Variants in OSBPL3 observed in about 807,000 individuals in gnomAD.
OSBPL3 encodes oxysterol binding protein like 3, also known as oxysterol-binding protein-related protein 3.
OSBPL3 carries 65 observed loss-of-function variants against 120.1 expected under a neutral mutation model. The observed-to-expected ratio is 0.54, with a 90% confidence interval of 0.44 to 0.67. The LOEUF (loss-of-function observed/expected upper bound fraction) is 0.67. Among genes scored for constraint, OSBPL3 ranks in the 30% least tolerant of loss-of-function variants. The pLI, the probability that OSBPL3 is intolerant of heterozygous loss-of-function variation, is 0.00. For missense variants in OSBPL3, 1,004 were observed against 1,082.1 expected (o/e 0.93, Z 1.01); for synonymous variants, 416 against 402.6 (o/e 1.03, Z -0.40).
At position 24,939,308 on chromosome 7, in the gene OSBPL3, A is replaced by T. The variant is rs1812810288; in HGVS notation, c.-150+40578T>A. ...ATTCTCCTGTGCTTCTTTGTGGCTGACAAGAATTCCAATTTTGTTCAGCTA... is the reference window on the plus strand; with the variant it reads ...ATTCTCCTGTGCTTCTTTGTGGCTGTCAAGAATTCCAATTTTGTTCAGCTA... On this transcript the variant is annotated intron_variant, in intron 1 of 22. Coordinates refer to ENST00000313367, the MANE Select transcript of OSBPL3 (RefSeq NM_015550.4). This position sits in a 1 kb window ranked among gnomAD's most constrained non-coding sequence, Gnocchi z 4.2. Among the ~76,000 whole-genome samples the T allele has an allele frequency of 6.6e-6, 1 of 152,234 alleles. No homozygotes were observed. Among genetic ancestry groups the T allele is most frequent in the Non-Finnish European group, 1.5e-5 (1 of 68,036 alleles).
At chr7:24,974,618 T>TAAATAAAAC (rs1437828346) in intron 1 of OSBPL3, among the ~76,000 whole-genome samples, 1 of 152,112 alleles carries the variant, frequency 6.6e-6, no homozygotes, top group East Asian at 1.9e-4. Context: ...AGCAAATAGA[T>TAAATAAAAC]AAATAAAACC....
rs1312672964 is a variant in OSBPL3 at position 24,866,246 on chromosome 7, T to C, written c.382-9A>G. On this transcript the variant is annotated splice_polypyrimidine_tract_variant and intron_variant, in intron 5 of 22. Transcript: ENST00000313367. The stretch of plus-strand genomic sequence containing the variant: ...ACTTCTTCTGACTTGACCTATAATA[T>C]ATTCGATTGAAAAAAGGAAACAAGA... The C allele has an allele frequency of 8.2e-6, 13 of 1,592,776 alleles. No homozygotes were observed. The highest frequency in any genetic ancestry group is 8.6e-6 in the Non-Finnish European group (10 of 1,161,294).
Position 24,877,301 on chromosome 7 carries a change from G to T in OSBPL3, c.97-5232C>A, listed in dbSNP as rs1443988372. On this transcript the variant is annotated intron_variant, in intron 2 of 22. Transcript: ENST00000313367. This position sits in a 1 kb window ranked among gnomAD's most constrained non-coding sequence, Gnocchi z 4.8. Reference sequence around the variant, plus strand: ...GGAGGCAAGTAAGGTCTTCAACCCTGCTCAGAGATAGCTACTGTTTTCCCT... The same window carrying T: ...GGAGGCAAGTAAGGTCTTCAACCCTTCTCAGAGATAGCTACTGTTTTCCCT... Among the ~76,000 whole-genome samples, 1 of 152,196 alleles carries T rather than the reference G, an allele frequency of 6.6e-6. No homozygotes were observed. Among genetic ancestry groups the T allele is most frequent in the Non-Finnish European group, 1.5e-5 (1 of 68,038 alleles).
chr7:24,951,441 A>AT (rs1267298943), intron 1 of OSBPL3, among the ~76,000 whole-genome samples: 1 of 152,246 alleles, frequency 6.6e-6, no homozygotes, highest in East Asian at 1.9e-4. Flanking sequence ...AAATCACTGA[A>AT]TGTTATTAAA....
intron 7 of OSBPL3, among the ~76,000 whole-genome samples, chr7:24,864,070 C>T (rs1263121123): frequency 6.6e-6 from 1 of 152,130 alleles, no homozygotes; most frequent in Non-Finnish European, 1.5e-5. Context: ...ACCCAATGCA[C>T]ATTAATAAAA....
intron 22 of OSBPL3, among the ~76,000 whole-genome samples, chr7:24,801,062 A>C (rs892842784): frequency 2.6e-5 from 4 of 151,574 alleles, no homozygotes; most frequent in Admixed American, 2.0e-4. Flanking sequence ...CCAACATGGC[A>C]AAACTCCGTG....
At chr7:24,942,201 C>T (rs1813183657) in intron 1 of OSBPL3, among the ~76,000 whole-genome samples, 1 of 151,648 alleles carries the variant, frequency 6.6e-6, no homozygotes, top group Non-Finnish European at 1.5e-5. Context: ...AACAAACGGG[C>T]TATTTGAAAA....
chr7:24,906,461 A>AT, intron 1 of OSBPL3: 1 of 86,314 alleles, frequency 1.2e-5, no homozygotes, highest in Non-Finnish European at 2.1e-5. Context: ...TCAGGCTCTG[A>AT]GCTGCTCTTC....
chr7:24,892,042 T>C (rs1805428113), intron 2 of OSBPL3, among the ~76,000 whole-genome samples: 1 of 152,228 alleles, frequency 6.6e-6, no homozygotes, highest in African/African-American at 2.4e-5. Flanking sequence ...TGCTTCTTTC[T>C]TTGCTCCTTA....
rs1333846037 is a variant in OSBPL3, at chr7:24,952,305, T to C, written c.-150+27581A>G. Among the ~76,000 whole-genome samples the C allele has an allele frequency of 6.6e-6, 1 of 152,174 alleles. No individual in the cohort carries two copies. The highest frequency in any genetic ancestry group is 2.4e-5 in the African/African-American group (1 of 41,432). ...CTAAGCACAACATAAATAGTCCAAC[T>C]TTTTATTTTAAGGACAGAGAAACTG... On this transcript the variant is annotated intron_variant, in intron 1 of 22. Transcript: ENST00000313367. The surrounding 1 kb of genome is among the most constrained non-coding windows in gnomAD (Gnocchi z 4.4).
chr7:24,851,629 C>T lies in OSBPL3; in HGVS notation c.1158+875G>A, dbSNP rs1429716732. Among the ~76,000 whole-genome samples the T allele has an allele frequency of 6.6e-6, 1 of 152,006 alleles. No individual in the cohort carries two copies. Among genetic ancestry groups the T allele is most frequent in the East Asian group, 1.9e-4 (1 of 5,194 alleles). ...CAGATGGCAATTTCATATGTGCACA[C>T]ACTCTTTCTCTTTCTAAAGTAGGAA... is the stretch of plus-strand genomic sequence containing the variant. On this transcript the variant is annotated intron_variant, in intron 11 of 22. Coordinates refer to ENST00000313367, the MANE Select transcript of OSBPL3 (RefSeq NM_015550.4). This position sits in a 1 kb window ranked among gnomAD's most constrained non-coding sequence, Gnocchi z 4.1.
At chr7:24,958,626 A>G (rs1815357213) in intron 1 of OSBPL3, among the ~76,000 whole-genome samples, 1 of 152,162 alleles carries the variant, frequency 6.6e-6, no homozygotes, top group Admixed American at 6.5e-5. Flanking sequence ...ACACTTCATA[A>G]CAGTATCACT....
At chr7:24,858,657 A>C (rs1800128149) in intron 10 of OSBPL3, among the ~76,000 whole-genome samples, 1 of 152,208 alleles carries the variant, frequency 6.6e-6, no homozygotes, top group Non-Finnish European at 1.5e-5. Context: ...TCCAGGACAA[A>C]CCTTGGCCCA....
rs1044824277 is a variant in OSBPL3, at chr7:24,818,435, T to C, written c.1948+1740A>G. On this transcript the variant is annotated intron_variant, in intron 17 of 22. Coordinates refer to ENST00000313367, the MANE Select transcript of OSBPL3 (RefSeq NM_015550.4). This position sits in a 1 kb window ranked among gnomAD's most constrained non-coding sequence, Gnocchi z 4.0. ...GATATACAGAAGACGTATGAAAAAATAGTAGAGAGGTTGGGAAGGGAAAAT... is the reference window on the plus strand; with the variant it reads ...GATATACAGAAGACGTATGAAAAAACAGTAGAGAGGTTGGGAAGGGAAAAT... Among the ~76,000 whole-genome samples the C allele has an allele frequency of 6.6e-6, 1 of 152,034 alleles. No homozygotes were observed. The highest frequency in any genetic ancestry group is 2.4e-5 in the African/African-American group (1 of 41,352).
chr7:24,965,080 A>G lies in OSBPL3; in HGVS notation c.-150+14806T>C, dbSNP rs1431123191. The stretch of plus-strand genomic sequence containing the variant: ...TCAGAAGTAGTTAGGGAAGTTATGG[A>G]AACCATTCATTCATTTATTCAACAA... On this transcript the variant is annotated intron_variant, in intron 1 of 22. Transcript: ENST00000313367. This position sits in a 1 kb window ranked among gnomAD's most constrained non-coding sequence, Gnocchi z 4.3. 1.3e-5 allele frequency among the ~76,000 whole-genome samples: 2 copies of G among 152,254 alleles called. No individual in the cohort carries two copies. The highest frequency in any genetic ancestry group is 3.8e-4 in the East Asian group (2 of 5,208).
chr7:24,906,989 A>T (rs1193706763), intron 1 of OSBPL3, among the ~76,000 whole-genome samples: 1 of 152,120 alleles, frequency 6.6e-6, no homozygotes. Context: ...AATACCTGCC[A>T]CTGGCTTCCC....
At chr7:24,888,992 C>G (rs1804930062) in intron 2 of OSBPL3, among the ~76,000 whole-genome samples, 1 of 152,192 alleles carries the variant, frequency 6.6e-6, no homozygotes, top group African/African-American at 2.4e-5. Context: ...CCTATTGCCA[C>G]TCTCACTCCA....
At chr7:24,857,186 A>G (rs1799939266) in intron 10 of OSBPL3, among the ~76,000 whole-genome samples, 1 of 152,216 alleles carries the variant, frequency 6.6e-6, no homozygotes, top group South Asian at 2.1e-4. Context: ...CCAGAAAGAA[A>G]AGAATAGGTA....
At chr7:24,865,588 A>C (rs1466587858) in intron 6 of OSBPL3, 123 bp from the exon 7 acceptor site, 4 of 949,646 alleles carry the variant, frequency 4.2e-6, no homozygotes, top group African/African-American at 1.6e-5. Context: ...AATGAGGAAG[A>C]AGCTTCTAGC....
Sources: gnomAD v4.1 joint callset for allele counts (sites outside exome capture counted in the v4.1 genomes callset) on GRCh38, gnomAD v4.1.1 for gene constraint, Gnocchi (gnomAD v3.1) non-coding constraint, MANE v1.5 for transcripts, NCBI Gene and HGNC (gene_info 2026-07-23, HGNC 2026-07-21) for gene names.